The following PLEKHH1 variants were observed in gnomAD, a reference collection of about 807,000 sequenced individuals.
PLEKHH1 encodes the protein pleckstrin homology domain-containing family H member 1.
In PLEKHH1, 104 loss-of-function variants were observed where a neutral mutation model predicts 160.0. The ratio of observed to expected loss-of-function variants is 0.65; its 90% CI spans 0.55 to 0.76. The LOEUF (loss-of-function observed/expected upper bound fraction) is 0.76, where lower values mean the gene tolerates loss of function less well. Among genes scored for constraint, PLEKHH1 ranks in the 30% least tolerant of loss-of-function variants. The probability of loss-of-function intolerance (pLI) is 0.00; values close to 1 mark genes in which losing one functional copy is unlikely to be tolerated. For missense variants in PLEKHH1, 1,427 were observed against 1,724.1 expected, an observed-to-expected ratio of 0.83 and a Z score of 3.05; for synonymous variants, 619 against 678.4, an observed-to-expected ratio of 0.91 and a Z score of 1.36.
chr14:67,572,567 T>C (rs1284273865), intron 11 of PLEKHH1, among the ~76,000 whole-genome samples: 1 of 152,094 alleles, frequency 6.6e-6, no homozygotes, highest in South Asian at 2.1e-4. Context: ...CATATATGAC[T>C]TTGTTTTATC....
Position 67,576,333 on chromosome 14 carries a change from G to T in PLEKHH1, c.2353-62G>T. ...TTGGTCCCTTCAAGGAGTCCTCCTT[G>T]GAGCTCTTGCCTCCACTCTTCCCAC... is the stretch of plus-strand genomic sequence containing the variant. On this transcript the variant is annotated intron_variant, in intron 16 of 28. Transcript: ENST00000329153. This position sits in a 1 kb window ranked among gnomAD's most constrained non-coding sequence, Gnocchi z 4.0. 2 of 937,320 alleles carry T rather than the reference G, an allele frequency of 2.1e-6. No homozygotes were observed. The highest frequency in any genetic ancestry group is 3.4e-6 in the Non-Finnish European group (2 of 594,536). 58.1% of individuals were successfully genotyped at this position (937,320 alleles called of 1,614,324 possible). A position where few individuals can be genotyped will look rare whatever the true frequency, so the allele number is the denominator to read the frequency against.
In PLEKHH1 at chr14:67,589,354, T is replaced by C. The variant is rs1392183553; in HGVS notation, c.*2119T>C. The stretch of plus-strand genomic sequence containing the variant: ...ATTCTTTGTTAACATGAGAGTCCCA[T>C]GTCTGAAAACCAAAGTCCAATTTCT... On this transcript the variant is annotated 3_prime_UTR_variant, in exon 29 of 29. Coordinates refer to ENST00000329153, the MANE Select transcript of PLEKHH1 (RefSeq NM_020715.3). 1 of 983,592 alleles carries C rather than the reference T, an allele frequency of 1.0e-6. No homozygotes were observed. The highest frequency in any genetic ancestry group is 1.1e-4 in the East Asian group (1 of 8,832). 60.9% of individuals were successfully genotyped at this position (983,592 alleles called of 1,614,324 possible). A position where few individuals can be genotyped will look rare whatever the true frequency, so the allele number is the denominator to read the frequency against.
intron 5 of PLEKHH1, among the ~76,000 whole-genome samples, chr14:67,560,727 C>CTTTTT (rs11433194): frequency 1.6e-5 from 2 of 126,428 alleles, no homozygotes; most frequent in Non-Finnish European, 3.3e-5. Context: ...GAACATATAT[C>CTTTTT]TTTTTTTTTT....
intron 22 of PLEKHH1, 160 bp downstream of exon 22, chr14:67,580,036 A>G: frequency 1.5e-6 from 1 of 654,000 alleles, no homozygotes; most frequent in Non-Finnish European, 2.6e-6. Flanking sequence ...CCTAAAATGT[A>G]CCTGGGCAGG....
chr14:67,583,554 G>A (rs544698734), intron 24 of PLEKHH1, among the ~76,000 whole-genome samples, 187 bp from the exon 25 acceptor site: 1 of 152,310 alleles, frequency 6.6e-6, no homozygotes, highest in Admixed American at 6.5e-5. Context: ...ATATTCGAGG[G>A]CCCTAAGTTT....
In PLEKHH1 at chr14:67,537,519, G is replaced by C. The variant is rs112033967; in HGVS notation, c.-35+4121G>C. Among the ~76,000 whole-genome samples, 808 of 151,782 alleles carry C rather than the reference G, an allele frequency of 5.3e-3. 22 individuals are homozygous for C. The highest frequency in any genetic ancestry group is 0.018 in the African/African-American group (754 of 41,314). On this transcript the variant is annotated intron_variant, in intron 1 of 28. Coordinates refer to ENST00000329153, the MANE Select transcript of PLEKHH1 (RefSeq NM_020715.3). ...GTCTTTACAAAAAATACAAAAATTA[G>C]CCAAGCACAGTGGTGCACGCCTGTA... is the stretch of plus-strand genomic sequence containing the variant.
chr14:67,539,215 G>A (rs2033867581), intron 1 of PLEKHH1, among the ~76,000 whole-genome samples: 1 of 152,182 alleles, frequency 6.6e-6, no homozygotes, highest in South Asian at 2.1e-4. Context: ...CCTTCTCTGA[G>A]AGCCTTACAA....
At chr14:67,575,767 G>C (rs2035597869) in intron 15 of PLEKHH1, 56 bp from the exon 16 acceptor site, 1 of 1,323,550 alleles carries the variant, frequency 7.6e-7, no homozygotes, top group Admixed American at 1.9e-5. Context: ...TTCAGAGAGA[G>C]GAGACTCCCT....
chr14:67,586,606 G>A (rs2036175770), intron 28 of PLEKHH1: 1 of 439,410 alleles, frequency 2.3e-6, no homozygotes, highest in Admixed American at 3.4e-5. Context: ...TACAGGAAGT[G>A]TTGACCAGCA....
At position 67,583,676 on chromosome 14, in the gene PLEKHH1, A is replaced by G. The variant is rs1485277895; in HGVS notation, c.3427-65A>G. 9.3e-6 allele frequency: 12 copies of G among 1,285,344 alleles called. No homozygotes were observed. In the African/African-American group the frequency reaches 1.6e-4, roughly 17 times the overall value. The allele number at this position is 1,285,344 out of a possible 1,614,324, so 79.6% of individuals were successfully genotyped here. ...AAGAAATGGTTTATTTCACCTCTCA[A>G]CAGCCCCCACCTGGCCCATCCACTG... On this transcript the variant is annotated intron_variant, in intron 24 of 28. Coordinates refer to ENST00000329153, the MANE Select transcript of PLEKHH1 (RefSeq NM_020715.3).
intron 1 of PLEKHH1, among the ~76,000 whole-genome samples, chr14:67,537,040 A>C (rs1289932096): frequency 6.7e-6 from 1 of 148,276 alleles, no homozygotes; most frequent in Non-Finnish European, 1.5e-5. Flanking sequence ...ACTCCATCTC[A>C]ATAATAATAA....
Position 67,567,287 on chromosome 14 carries a change from T to C in PLEKHH1, c.1264-1851T>C, listed in dbSNP as rs377532720. On this transcript the variant is annotated intron_variant, in intron 7 of 28. Transcript: ENST00000329153. ...CAGAGAACATTTCTCAATCTGACGG[T>C]GTGAGAAATACTTATGTATCTTAGA... Among the ~76,000 whole-genome samples the C allele has an allele frequency of 3.0e-3, 456 of 152,276 alleles. 3 individuals are homozygous for C. The highest frequency in any genetic ancestry group is 4.5e-3 in the Non-Finnish European group (307 of 68,016).
At chr14:67,556,001 C>A in intron 3 of PLEKHH1, 114 bp downstream of exon 3, 2 of 1,356,894 alleles carry the variant, frequency 1.5e-6, no homozygotes, top group Non-Finnish European at 2.0e-6. Context: ...TGTGTTATAC[C>A]TGAACAAATG....
chr14:67,573,435 A>G lies in PLEKHH1; in HGVS notation c.1839+49A>G, dbSNP rs1370299577. On this transcript the variant is annotated intron_variant, in intron 12 of 28. Coordinates refer to ENST00000329153, the MANE Select transcript of PLEKHH1 (RefSeq NM_020715.3). This position sits in a 1 kb window ranked among gnomAD's most constrained non-coding sequence, Gnocchi z 4.8. ...TGCAGTCAAAAGGTCTCCACATCAC[A>G]CCCTGGACTATGTCAGATGGGACGG... The G allele has an allele frequency of 2.7e-6, 3 of 1,108,092 alleles. No homozygotes were observed. Among genetic ancestry groups the G allele is most frequent in the East Asian group, 2.4e-5 (1 of 42,436 alleles). 68.6% of individuals were successfully genotyped at this position (1,108,092 alleles called of 1,614,324 possible).
At chr14:67,537,386 T>G (rs1674312884) in intron 1 of PLEKHH1, among the ~76,000 whole-genome samples, 2 of 101,318 alleles carry the variant, frequency 2.0e-5, no homozygotes, top group Admixed American at 2.0e-4. Context: ...TAATAAAAAC[T>G]TAATCTTAGG....
chr14:67,566,342 G>C (rs890127287), intron 7 of PLEKHH1, among the ~76,000 whole-genome samples: 1 of 152,178 alleles, frequency 6.6e-6, no homozygotes, highest in African/African-American at 2.4e-5. Flanking sequence ...CAAATGCAGA[G>C]GTTGGGAGCA....
chr14:67,557,743 G>A (rs1434738661), intron 4 of PLEKHH1, among the ~76,000 whole-genome samples: 1 of 152,200 alleles, frequency 6.6e-6, no homozygotes, highest in Non-Finnish European at 1.5e-5. Context: ...TATAAAAGAA[G>A]GGTGGAAACA....
At chr14:67,561,805 G>A in intron 5 of PLEKHH1, 149 bp from the exon 6 acceptor site, 1 of 641,416 alleles carries the variant, frequency 1.6e-6, no homozygotes, top group Non-Finnish European at 2.7e-6. Context: ...GGGAGGTCAA[G>A]GCTGCAGTGA....
chr14:67,550,398 A>G (rs2034350185), intron 2 of PLEKHH1, among the ~76,000 whole-genome samples: 1 of 152,218 alleles, frequency 6.6e-6, no homozygotes, highest in African/African-American at 2.4e-5. Flanking sequence ...CATGTTGTCC[A>G]GGCTGGTCTC....
Sources: allele counts gnomAD v4.1 joint callset (sites outside exome capture counted in the v4.1 genomes callset), GRCh38; gene constraint gnomAD v4.1.1; non-coding constraint Gnocchi (gnomAD v3.1); transcripts MANE v1.5; gene names NCBI Gene and HGNC (gene_info 2026-07-23, HGNC 2026-07-21).